The following CAPS2 variants were observed in gnomAD, a reference collection of about 807,000 sequenced individuals.
CAPS2 encodes calcyphosine 2, also known as calcyphosin-2.
A neutral mutation model predicts 86.5 loss-of-function variants in CAPS2; 98 were observed. That is an observed-to-expected ratio of 1.13 (90% CI 0.96 to 1.34). The LOEUF (loss-of-function observed/expected upper bound fraction) is 1.34, where lower values mean the gene tolerates loss of function less well. Among genes scored for constraint, CAPS2 ranks in the 40% most tolerant of loss-of-function variants. The probability of loss-of-function intolerance (pLI) is 0.00; values close to 1 mark genes in which losing one functional copy is unlikely to be tolerated. For missense variants in CAPS2, 729 were observed against 686.8 expected (o/e 1.06, Z -0.69); for synonymous variants, 210 against 225.1 (o/e 0.93, Z 0.60).
intron 2 of CAPS2, among the ~76,000 whole-genome samples, chr12:75,324,532 T>G (rs757641163): frequency 6.6e-6 from 1 of 152,152 alleles, no homozygotes; most frequent in South Asian, 2.1e-4. Context: ...TTACTCGATA[T>G]CTTGGATCTA....
Position 75,284,788 on chromosome 12 carries a change from T to C in CAPS2, c.1515+173A>G, listed in dbSNP as rs111773266. The stretch of plus-strand genomic sequence containing the variant: ...TCTAAAATATATACACAAGTTATTT[T>C]GCTTCATTCTGGGTTGATTTGTATG... On this transcript the variant is annotated intron_variant, in intron 15 of 16. Coordinates refer to ENST00000393284, the Ensembl canonical transcript of CAPS2. 4.2e-3 allele frequency among the ~76,000 whole-genome samples: 632 copies of C among 152,236 alleles called. 3 individuals carry two copies. The highest frequency in any genetic ancestry group is 0.015 in the African/African-American group (604 of 41,568).
At chr12:75,366,989 G>C in intron 1 of CAPS2, 1 of 701,642 alleles carries the variant, frequency 1.4e-6, no homozygotes, top group Non-Finnish European at 2.6e-6. Flanking sequence ...GTAACAAAAT[G>C]TCCTTTCTCT....
At chr12:75,370,222 A>T in intron 1 of CAPS2, 15 of 969,758 alleles carry the variant, frequency 1.5e-5, no homozygotes, top group Non-Finnish European at 2.0e-5. Context: ...AAATAAAGGA[A>T]TAGTTTATTG....
chr12:75,331,610 CTGGAG>C (rs1432087722), upstream of CAPS2, among the ~76,000 whole-genome samples: 1 of 151,444 alleles, frequency 6.6e-6, no homozygotes, highest in African/African-American at 2.4e-5. Context: ...GTCGCCCAGG[CTGGAG>C]TGCAGTGGCG....
intron 12 of CAPS2, 119 bp from the exon 13 acceptor site, chr12:75,291,939 G>T: frequency 2.6e-6 from 1 of 387,778 alleles, no homozygotes; most frequent in Non-Finnish European, 4.6e-6. Flanking sequence ...ACTTGGAAGA[G>T]TGCTTAGAAT....
chr12:75,349,994 C>T (rs372685196), intron 1 of CAPS2, among the ~76,000 whole-genome samples: 27 of 152,310 alleles, frequency 1.8e-4, no homozygotes, highest in African/African-American at 3.6e-4. Flanking sequence ...GACCGGGTCC[C>T]GGGAGGGAGG....
intron 15 of CAPS2, among the ~76,000 whole-genome samples, chr12:75,283,168 T>G (rs545016649): frequency 6.6e-6 from 1 of 152,360 alleles, no homozygotes; most frequent in Non-Finnish European, 1.5e-5. Context: ...AAAATGTAGT[T>G]GTGCTATTGT....
chr12:75,366,895 G>A (rs2044002885), intron 1 of CAPS2: 2 of 701,594 alleles, frequency 2.9e-6, no homozygotes, highest in African/African-American at 1.7e-5. Context: ...GTTCCCTGTA[G>A]GGCCACTGCA....
chr12:75,364,790 A>C (rs1295861850), intron 1 of CAPS2: 1 of 152,160 alleles, frequency 6.6e-6, no homozygotes, highest in Non-Finnish European at 1.5e-5. Context: ...GTCTTTAGTA[A>C]TGTGTCCCAA....
At chr12:75,340,366 G>GA (rs1385090704) in intron 1 of CAPS2, among the ~76,000 whole-genome samples, 2 of 151,660 alleles carry the variant, frequency 1.3e-5, no homozygotes, top group Non-Finnish European at 2.9e-5. Context: ...GTCTATTCAA[G>GA]AAATGGTGTT....
upstream of CAPS2, chr12:75,329,709 G>A: frequency 1.5e-6 from 1 of 661,440 alleles, no homozygotes; most frequent in Non-Finnish European, 2.4e-6. Flanking sequence ...GATCCCAGAC[G>A]ACTACAGACC....
At chr12:75,295,706 T>C (rs2036761146) in intron 11 of CAPS2, among the ~76,000 whole-genome samples, 1 of 152,180 alleles carries the variant, frequency 6.6e-6, no homozygotes, top group Non-Finnish European at 1.5e-5. Context: ...TATACCATCA[T>C]GTCAGAGAAA....
At chr12:75,358,385 G>C (rs985921868) in intron 1 of CAPS2, among the ~76,000 whole-genome samples, 2 of 151,742 alleles carry the variant, frequency 1.3e-5, no homozygotes, top group Non-Finnish European at 3.0e-5. Flanking sequence ...CTTTATCTAA[G>C]AGGGGTATAT....
intron 8 of CAPS2, among the ~76,000 whole-genome samples, chr12:75,302,879 T>TGG (rs2037985279): frequency 6.6e-6 from 1 of 152,194 alleles, no homozygotes; most frequent in Non-Finnish European, 1.5e-5. Context: ...TACCAAGCTC[T>TGG]GGCAAAGATA....
chr12:75,315,378 C>A (rs1190582837), intron 6 of CAPS2, among the ~76,000 whole-genome samples: 9 of 152,128 alleles, frequency 5.9e-5, no homozygotes, highest in African/African-American at 2.2e-4. Flanking sequence ...AATATTCATT[C>A]TATTAAACAT....
At chr12:75,326,183 T>C (rs2040766126) in intron 1 of CAPS2, among the ~76,000 whole-genome samples, 1 of 152,056 alleles carries the variant, frequency 6.6e-6, no homozygotes, top group African/African-American at 2.4e-5. Context: ...TAAACAAATA[T>C]TCTTAAATAA....
chr12:75,384,357 C>T (rs1182174049), intron 1 of CAPS2, among the ~76,000 whole-genome samples: 1 of 152,064 alleles, frequency 6.6e-6, no homozygotes, highest in Admixed American at 6.6e-5. Context: ...AAAAGGATAA[C>T]TGAGCAACAC....
upstream of CAPS2, chr12:75,334,474 A>G (rs80161400): frequency 2.4e-3 from 3,162 of 1,298,290 alleles, 39 homozygotes; most frequent in African/African-American, 0.032. Flanking sequence ...AGCAGTTTGG[A>G]TGGTTGAAAT....
chr12:75,286,888 G>C (rs115342541), intron 14 of CAPS2, among the ~76,000 whole-genome samples: 2 of 151,646 alleles, frequency 1.3e-5, no homozygotes, highest in Non-Finnish European at 2.9e-5. Flanking sequence ...TATGTTAGAA[G>C]TCTTATATAA....
Sources: allele counts gnomAD v4.1 joint callset (sites outside exome capture counted in the v4.1 genomes callset), GRCh38; gene constraint gnomAD v4.1.1; transcripts MANE v1.5; gene names NCBI Gene and HGNC (gene_info 2026-07-23, HGNC 2026-07-21).